Variants in CCDC34 observed in about 807,000 individuals in gnomAD.
CCDC34 encodes the protein coiled-coil domain containing 34.
Under a neutral mutation model 44.1 loss-of-function variants are expected in CCDC34, and 40 were observed. The ratio of observed to expected loss-of-function variants is 0.91; its 90% CI spans 0.70 to 1.18. The LOEUF (loss-of-function observed/expected upper bound fraction) is 1.18. Among genes scored for constraint, CCDC34 ranks in the 50% most tolerant of loss-of-function variants. CCDC34 has a pLI of 0.00. For synonymous variants in CCDC34, 159 were observed against 158.2 expected, an observed-to-expected ratio of 1.01 and a Z score of -0.04; for missense variants, 466 against 452.3, an observed-to-expected ratio of 1.03 and a Z score of -0.28.
In CCDC34 at chr11:27,357,390, T is replaced by C. The variant is rs1349327140; in HGVS notation, c.498+13A>G. 1 of 1,606,214 alleles carries C rather than the reference T, an allele frequency of 6.2e-7. No individual in the cohort carries two copies. The highest frequency in any genetic ancestry group is 1.1e-5 in the South Asian group (1 of 89,460). ...CTCACAGATTAAATAAAAAGAACAC[T>C]GTCTAGTTTTACCTCTAGAGCTTTC... is the stretch of plus-strand genomic sequence containing the variant. On this transcript the variant is annotated intron_variant, in intron 2 of 5. Transcript: ENST00000328697.
Position 27,341,607 on chromosome 11 carries a change from G to C in CCDC34, c.607-57C>G, listed in dbSNP as rs917083799. The C allele has an allele frequency of 2.0e-5, 15 of 757,666 alleles. No individual in the cohort carries two copies. The African/African-American group carries it at 2.5e-4, about 13-fold the overall frequency. The allele number at this position is 757,666 out of a possible 1,614,324, so 46.9% of individuals were successfully genotyped here. The stretch of plus-strand genomic sequence containing the variant: ...ATACCAGTAATTATACTCATCTAAG[G>C]AAAGACTGCTGCATTCAGCAATTTT... On this transcript the variant is annotated intron_variant, in intron 3 of 5. Coordinates refer to ENST00000328697, the MANE Select transcript of CCDC34 (RefSeq NM_030771.2).
intron 3 of CCDC34, among the ~76,000 whole-genome samples, chr11:27,343,902 T>C (rs1012688617): frequency 1.3e-5 from 2 of 152,140 alleles, no homozygotes; most frequent in Non-Finnish European, 1.5e-5. Context: ...GAAATCAAAA[T>C]GGGAGAATGT....
rs199632057 is a variant in CCDC34 at position 27,362,597 on chromosome 11, G to A, written c.359+239C>T. On this transcript the variant is annotated intron_variant, in intron 1 of 5. Coordinates refer to ENST00000328697, the MANE Select transcript of CCDC34 (RefSeq NM_030771.2). ...GAGACTATGTACATTTTTCTGGGAAGTGAGACTGCAGCAATCATAATATCT... is the reference window on the plus strand; with the variant it reads ...GAGACTATGTACATTTTTCTGGGAAATGAGACTGCAGCAATCATAATATCT... Among the ~76,000 whole-genome samples the A allele has an allele frequency of 2.0e-5, 3 of 152,154 alleles. No individual in the cohort carries two copies. In the East Asian group the frequency reaches 5.8e-4, roughly 29 times the overall value.
rs1159086627 is a variant in CCDC34 at position 27,340,701 on chromosome 11, A to T, written c.902T>A (p.Leu301His). The T allele has an allele frequency of 6.8e-6, 11 of 1,606,694 alleles. No individual in the cohort carries two copies. The Admixed American group carries it at 1.9e-4, about 27-fold the overall frequency. The part of the protein sequence containing the change: ...AKSYGYANGK[L>H]TGFYSGNSYP... Reference sequence around the variant, plus strand: ...CACACAACATAAAAACCAACCTGTAAGTTTTCCATTGGCATAACCATAGCT... The same window carrying T: ...CACACAACATAAAAACCAACCTGTATGTTTTCCATTGGCATAACCATAGCT... The change falls in exon 5 of 6, where the codon CTT becomes CAT. Residue 301 changes from leucine (L) to histidine (H), a missense_variant. Coordinates refer to ENST00000328697, the MANE Select transcript of CCDC34 (RefSeq NM_030771.2).
At chr11:27,341,639 T>C in intron 3 of CCDC34, 89 bp from the exon 4 acceptor site, 1 of 572,314 alleles carries the variant, frequency 1.7e-6, no homozygotes, top group Non-Finnish European at 2.8e-6. Flanking sequence ...TTTTCTAAAC[T>C]TCAATTATTT....
In CCDC34 at chr11:27,362,974, C is replaced by T. The variant is rs1862692678; in HGVS notation, c.221G>A (p.Ser74Asn). Residue 74 changes from serine (S) to asparagine (N), a missense_variant, in exon 1 of 6, where the codon AGC becomes AAC. Ser to Asn is a conservative substitution (Grantham distance 46). Transcript: ENST00000328697. ...ACCGTCGTCCTCGTCAAACTGGAAG[C>T]TCTGGTGGCCAAGGGGAGACAACAG... ...RSLLSPLGHQ[S>N]FQFDEDDGDG... 2 of 1,614,170 alleles carry T rather than the reference C, an allele frequency of 1.2e-6. No individual in the cohort carries two copies. The highest frequency in any genetic ancestry group is 4.5e-5 in the East Asian group (2 of 44,870).
At chr11:27,339,335 A>G (rs1246603226) in intron 5 of CCDC34, among the ~76,000 whole-genome samples, 2 of 152,232 alleles carry the variant, frequency 1.3e-5, no homozygotes, top group Non-Finnish European at 2.9e-5. Context: ...AATTAATTTT[A>G]TGATCCTTAA....
rs1685102072 is a variant in CCDC34, at chr11:27,357,537, G to A, written c.364C>T (p.Gln122Ter). 1.9e-6 allele frequency: 3 copies of A among 1,613,716 alleles called. No homozygotes were observed. Among genetic ancestry groups the A allele is most frequent in the Non-Finnish European group, 1.7e-6 (2 of 1,179,790 alleles). The change falls in exon 2 of 6, where the codon CAG becomes TAG. Residue 122 changes from glutamine to a stop codon, truncating the protein, a stop_gained. Coordinates refer to ENST00000328697, the MANE Select transcript of CCDC34 (RefSeq NM_030771.2). LOFTEE classifies it high-confidence loss of function. ...TCTTGGTTATTTTCTGATTCAACCT[G>A]AGTGCTACAAAAGAGAGGCTACTAT... ...GMELQGCAST[Q>*]VESENNQEEQ...
chr11:27,342,026 T>C (rs1312639645), intron 3 of CCDC34, among the ~76,000 whole-genome samples: 1 of 152,176 alleles, frequency 6.6e-6, no homozygotes, highest in African/African-American at 2.4e-5. Context: ...CTGCCATCCA[T>C]GTAAGACGTG....
chr11:27,339,160 G>A lies in CCDC34; in HGVS notation c.908-125C>T, dbSNP rs1009246841. 5.9e-5 allele frequency: 39 copies of A among 660,582 alleles called. 1 individual carries two copies. The African/African-American group carries it at 7.1e-4, about 12-fold the overall frequency. 40.9% of individuals were successfully genotyped at this position (660,582 alleles called of 1,614,324 possible). On this transcript the variant is annotated intron_variant, in intron 5 of 5. Transcript: ENST00000328697. ...CAAATTATCACTAATAAGCCAATGT[G>A]ACTTATTTGAAACTTAAACTCCTTG...
chr11:27,351,850 G>A (rs1209385713), intron 2 of CCDC34, among the ~76,000 whole-genome samples: 3 of 152,186 alleles, frequency 2.0e-5, no homozygotes, highest in Non-Finnish European at 2.9e-5. Flanking sequence ...GCTTCGAAAG[G>A]AGAGAGATTG....
chr11:27,355,477 C>T (rs1373639190), intron 2 of CCDC34, among the ~76,000 whole-genome samples: 1 of 152,042 alleles, frequency 6.6e-6, no homozygotes, highest in African/African-American at 2.4e-5. Flanking sequence ...TTCAAAAATA[C>T]ACCCCAATTC....
rs772037374 is a variant in CCDC34 at position 27,357,436 on chromosome 11, TTC to T, written c.463_464del (p.Glu155ArgfsTer3). ...CTTTCAGTTGCAGCCGGTCACGTTC[TTC>T]TTTTTCTTTGCCAATAAACCACACC... ...WEVWFIGKEK[E>X]ERDRLQLKAL... is the part of the protein sequence containing the mutation. On this transcript the variant is annotated frameshift_variant, in exon 2 of 6. Transcript: ENST00000328697. LOFTEE classifies it high-confidence loss of function. 6.8e-6 allele frequency: 11 copies of T among 1,614,028 alleles called. No homozygotes were observed. Among genetic ancestry groups the T allele is most frequent in the Non-Finnish European group, 7.6e-6 (9 of 1,179,912 alleles).
chr11:27,349,054 G>A, intron 3 of CCDC34: 6 of 984,966 alleles, frequency 6.1e-6, no homozygotes, highest in Non-Finnish European at 7.2e-6. Flanking sequence ...TCTCCCAGAA[G>A]TATCTTACAT....
At chr11:27,357,335 T>C (rs1419509418) in intron 2 of CCDC34, 68 bp downstream of exon 2, 10 of 1,468,682 alleles carry the variant, frequency 6.8e-6, no homozygotes, top group Non-Finnish European at 9.2e-6. Flanking sequence ...ATTAACATTT[T>C]AATTTACAAC....
chr11:27,343,868 G>A (rs1565057910), intron 3 of CCDC34, among the ~76,000 whole-genome samples: 1 of 152,116 alleles, frequency 6.6e-6, no homozygotes, highest in Non-Finnish European at 1.5e-5. Flanking sequence ...GACGGTGAGT[G>A]ACAGATCACA....
intron 3 of CCDC34, 113 bp from the exon 4 acceptor site, chr11:27,341,663 T>C (rs1381704728): frequency 1.1e-5 from 6 of 524,478 alleles, no homozygotes; most frequent in Non-Finnish European, 1.9e-5. Context: ...AAAATAGACA[T>C]GATATCATGG....
chr11:27,340,985 G>T, intron 4 of CCDC34, 148 bp from the exon 5 acceptor site: 1 of 660,678 alleles, frequency 1.5e-6, no homozygotes, highest in Non-Finnish European at 2.5e-6. Context: ...AATATGAGTA[G>T]AATATTGAAC....
chr11:27,343,406 A>C (rs1862391774), intron 3 of CCDC34, among the ~76,000 whole-genome samples: 2 of 151,950 alleles, frequency 1.3e-5, no homozygotes, highest in African/African-American at 4.8e-5. Flanking sequence ...CGTCTCAAAA[A>C]AAAAAAAAAA....
Sources: allele counts gnomAD v4.1 joint callset (sites outside exome capture counted in the v4.1 genomes callset), GRCh38; gene constraint gnomAD v4.1.1; transcripts MANE v1.5; gene names NCBI Gene and HGNC (gene_info 2026-07-23, HGNC 2026-07-21).